MAMDC2: variants seen among roughly 807,000 people sequenced by gnomAD.
The protein encoded by MAMDC2 is MAM domain-containing protein 2.
A neutral mutation model predicts 89.8 loss-of-function variants in MAMDC2; 57 were observed. The observed-to-expected ratio is 0.63, with a 90% CI of 0.51 to 0.79. The LOEUF is 0.79. MAMDC2 is among the 30% of genes least tolerant of loss of function. MAMDC2 has a pLI of 0.00. For missense variants in MAMDC2, 800 were observed against 820.6 expected (o/e 0.97, Z 0.31); for synonymous variants, 313 against 293.4 (o/e 1.07, Z -0.68).
intron 2 of MAMDC2, among the ~76,000 whole-genome samples, chr9:70,069,209 C>G (rs953578119): frequency 1.3e-5 from 2 of 152,188 alleles, no homozygotes; most frequent in African/African-American, 2.4e-5. Flanking sequence ...CAGTTGCATG[C>G]ACACCAAAAG....
At chr9:70,225,650 A>G in intron 12 of MAMDC2, 100 bp from the exon 13 acceptor site, 1 of 678,758 alleles carries the variant, frequency 1.5e-6, no homozygotes, top group Non-Finnish European at 2.6e-6. Flanking sequence ...GATCCTCAAG[A>G]GCAATCTACG....
At chr9:70,214,446 A>AGCCAG (rs1463839305) in intron 11 of MAMDC2, among the ~76,000 whole-genome samples, 1 of 152,232 alleles carries the variant, frequency 6.6e-6, no homozygotes. Context: ...GTGAGGAGAA[A>AGCCAG]GCCAGTAGGA....
intron 11 of MAMDC2, among the ~76,000 whole-genome samples, chr9:70,192,638 C>T (rs2032903998): frequency 6.6e-6 from 1 of 152,188 alleles, no homozygotes; most frequent in African/African-American, 2.4e-5. Context: ...TATAAGTCCT[C>T]ATCTTGAGTA....
chr9:70,056,846 C>T (rs1827035455), intron 2 of MAMDC2, among the ~76,000 whole-genome samples: 2 of 152,114 alleles, frequency 1.3e-5, no homozygotes, highest in African/African-American at 4.8e-5. Context: ...ATTAGATTCT[C>T]ATAGGAATGG....
intron 2 of MAMDC2, among the ~76,000 whole-genome samples, chr9:70,099,985 AGAGAGAGAG>A (rs1563953269): frequency 6.5e-4 from 35 of 53,644 alleles, no homozygotes; most frequent in Non-Finnish European, 1.0e-3. Flanking sequence ...AAAGAAAGAG[AGAGAGAGAG>A]AGAGAGAGAG....
intron 5 of MAMDC2, among the ~76,000 whole-genome samples, chr9:70,119,116 G>A (rs2030164033): frequency 6.7e-6 from 1 of 148,608 alleles, no homozygotes. Flanking sequence ...ATTTTATGAA[G>A]TGAAACAAAA....
chr9:70,215,935 A>G (rs1470170665), intron 11 of MAMDC2, among the ~76,000 whole-genome samples: 1 of 152,202 alleles, frequency 6.6e-6, no homozygotes, highest in East Asian at 1.9e-4. Flanking sequence ...AGAAATAAGA[A>G]AAAGAGAATG....
chr9:70,093,147 C>T (rs1827944422), intron 2 of MAMDC2, among the ~76,000 whole-genome samples: 2 of 151,894 alleles, frequency 1.3e-5, no homozygotes, highest in African/African-American at 2.4e-5. Context: ...CTCCTATTTT[C>T]TTCTTGCTTA....
At chr9:70,138,954 T>C (rs2031098606) in intron 7 of MAMDC2, among the ~76,000 whole-genome samples, 1 of 152,154 alleles carries the variant, frequency 6.6e-6, no homozygotes, top group South Asian at 2.1e-4. Flanking sequence ...AAATTGTTTC[T>C]ATAAAATATT....
intron 2 of MAMDC2, among the ~76,000 whole-genome samples, chr9:70,054,437 G>A (rs977430827): frequency 1.3e-5 from 2 of 152,054 alleles, no homozygotes; most frequent in Non-Finnish European, 2.9e-5. Flanking sequence ...AAAGGAGGAC[G>A]TGATCAGTGG....
chr9:70,090,625 G>A (rs1363900962), intron 2 of MAMDC2: 1 of 152,008 alleles, frequency 6.6e-6, no homozygotes, highest in Non-Finnish European at 1.5e-5. Flanking sequence ...ATGATGATGG[G>A]GAAAGTGCTC....
intron 2 of MAMDC2, among the ~76,000 whole-genome samples, chr9:70,081,133 C>T (rs1484546068): frequency 4.6e-5 from 7 of 151,978 alleles, no homozygotes; most frequent in Non-Finnish European, 8.8e-5. Context: ...GTTTGTTTGA[C>T]ACAAAGGAGA....
chr9:70,202,245 T>C (rs1375368746), intron 11 of MAMDC2, among the ~76,000 whole-genome samples: 1 of 150,756 alleles, frequency 6.6e-6, no homozygotes, highest in Non-Finnish European at 1.5e-5. Flanking sequence ...GAGATTCTGG[T>C]ATGTTGTGTC....
intron 9 of MAMDC2, among the ~76,000 whole-genome samples, chr9:70,168,248 T>C (rs972422239): frequency 6.6e-5 from 10 of 152,268 alleles, no homozygotes; most frequent in Non-Finnish European, 1.2e-4. Flanking sequence ...TCCCAGCACT[T>C]TGGGAGGCCA....
intron 11 of MAMDC2, 106 bp from the exon 12 acceptor site, chr9:70,218,231 C>A: frequency 7.8e-7 from 1 of 1,276,242 alleles, no homozygotes; most frequent in Non-Finnish European, 1.1e-6. Flanking sequence ...TTTATCAGTA[C>A]TTTTAGTCAG....
intron 11 of MAMDC2, among the ~76,000 whole-genome samples, chr9:70,199,686 AT>A (rs1431143850): frequency 9.4e-6 from 1 of 106,356 alleles, no homozygotes; most frequent in Non-Finnish European, 2.0e-5. Flanking sequence ...AAGTGTTCCT[AT>A]TTCTCCACAT....
chr9:70,112,852 T>C (rs1257788970), intron 4 of MAMDC2, 143 bp from the exon 5 acceptor site: 7 of 947,682 alleles, frequency 7.4e-6, no homozygotes, highest in Admixed American at 6.9e-5. Context: ...TTGGCCAAAA[T>C]TGTGCAGGGG....
At chr9:70,176,730 A>G (rs2032514182) in intron 11 of MAMDC2, among the ~76,000 whole-genome samples, 1 of 152,230 alleles carries the variant, frequency 6.6e-6, no homozygotes, top group Admixed American at 6.5e-5. Context: ...CAATGTAAAT[A>G]AGAAAAACAA....
chr9:70,118,297 AACACACACACACACACACACACACACAC>A (rs6151026), intron 5 of MAMDC2, among the ~76,000 whole-genome samples: 7 of 140,530 alleles, frequency 5.0e-5, no homozygotes, highest in South Asian at 2.3e-4. Flanking sequence ...ATCCCCACTC[AACACACACACACACACACACACACACAC>A]ACACACACAC....
Sources: allele counts gnomAD v4.1 joint callset (sites outside exome capture counted in the v4.1 genomes callset), GRCh38; gene constraint gnomAD v4.1.1; transcripts MANE v1.5; gene names NCBI Gene and HGNC (gene_info 2026-07-23, HGNC 2026-07-21).